IFNLR1: variants seen among roughly 807,000 people sequenced by gnomAD.
IFNLR1 encodes the protein interferon lambda receptor 1.
A neutral mutation model predicts 52.5 loss-of-function variants in IFNLR1; 28 were observed. The ratio of observed to expected loss-of-function variants is 0.53; its 90% CI spans 0.40 to 0.73. The LOEUF (loss-of-function observed/expected upper bound fraction) is 0.73, where lower values mean the gene tolerates loss of function less well. Ranked by LOEUF, IFNLR1 falls within the 30% of genes least tolerant of loss-of-function variation. The pLI, the probability that IFNLR1 is intolerant of heterozygous loss-of-function variation, is 0.00. For synonymous variants in IFNLR1, 276 were observed against 274.9 expected (o/e 1.00, Z -0.04); for missense variants, 623 against 659.1 (o/e 0.95, Z 0.60).
chr1:24,183,160 C>G (rs1644708312), intron 1 of IFNLR1, among the ~76,000 whole-genome samples: 1 of 152,006 alleles, frequency 6.6e-6, no homozygotes, highest in Non-Finnish European at 1.5e-5. Flanking sequence ...TTCATGAGCC[C>G]AAATGTAAGA....
chr1:24,157,331 T>C lies in IFNLR1; in HGVS notation c.1362A>G (p.Leu454=). Residue 454 remains leucine, a synonymous_variant, in exon 7 of 7, where the codon TTA becomes TTG. Transcript: ENST00000327535. The surrounding 1 kb of genome is among the most constrained non-coding windows in gnomAD (Gnocchi z 5.1). ...NLSSWATWGT[L]PPEPNLVPGG... ...CAGGGACCAGATTCGGCTCCGGTGG[T>C]AAGGTGCCCCAGGTGGCCCAGGAGG... The C allele has an allele frequency of 1.2e-6, 2 of 1,614,076 alleles. No individual in the cohort carries two copies. Among genetic ancestry groups the C allele is most frequent in the Non-Finnish European group, 1.7e-6 (2 of 1,179,984 alleles).
rs1644479177 is a variant in IFNLR1 at position 24,162,951 on chromosome 1, C to CTTT, written c.368-1270_368-1268dup. ...TTTTCTTTCTTTCTCTTTCTTTCTT[C>CTTT]TTTCTTTCCTCTTTTTTTTTTTTTT... On this transcript the variant is annotated intron_variant, in intron 3 of 6. Coordinates refer to ENST00000327535, the MANE Select transcript of IFNLR1 (RefSeq NM_170743.4). Among the ~76,000 whole-genome samples, 3 of 93,228 alleles carry CTTT rather than the reference C, an allele frequency of 3.2e-5. 1 individual carries two copies. Among genetic ancestry groups the CTTT allele is most frequent in the African/African-American group, 1.3e-4 (3 of 23,616 alleles). 61.2% of individuals were successfully genotyped at this position (93,228 alleles called of 152,430 possible).
Position 24,157,300 on chromosome 1 carries a change from G to T in IFNLR1, c.1393C>A (p.Pro465Thr). The T allele has an allele frequency of 1.9e-6, 3 of 1,614,190 alleles. No individual in the cohort carries two copies. Among genetic ancestry groups the T allele is most frequent in the Non-Finnish European group, 8.5e-7 (1 of 1,180,038 alleles). ...GTCAGTGTCTGAAGAGAAACTGGGG[G>T]TCCCCCAGGGACCAGATTCGGCTCC... ...PPEPNLVPGG[P>T]PVSLQTLTFC... Residue 465 changes from proline (P) to threonine (T), a missense_variant, in exon 7 of 7, where the codon CCC becomes ACC. Transcript: ENST00000327535. This position sits in a 1 kb window ranked among gnomAD's most constrained non-coding sequence, Gnocchi z 5.1.
intron 3 of IFNLR1, among the ~76,000 whole-genome samples, chr1:24,166,871 C>T (rs1186276779): frequency 6.6e-6 from 1 of 152,162 alleles, no homozygotes; most frequent in Non-Finnish European, 1.5e-5. Flanking sequence ...GCCACAGTGC[C>T]TGGCCTGTGA....
intron 2 of IFNLR1, among the ~76,000 whole-genome samples, chr1:24,171,338 A>G (rs1644577394): frequency 6.6e-6 from 1 of 152,240 alleles, no homozygotes; most frequent in South Asian, 2.1e-4. Flanking sequence ...AATTGGTTGA[A>G]CCACATGTGA....
intron 1 of IFNLR1, among the ~76,000 whole-genome samples, chr1:24,186,310 T>C (rs1644737841): frequency 6.6e-6 from 1 of 152,180 alleles, no homozygotes; most frequent in Admixed American, 6.5e-5. Flanking sequence ...GCCTCACCTC[T>C]GCCATCCTTC....
rs777520271 is a variant in IFNLR1, at chr1:24,157,942, A to C, written c.802-51T>G. The C allele has an allele frequency of 6.8e-7, 1 of 1,478,018 alleles. No homozygotes were observed. Among genetic ancestry groups the C allele is most frequent in the East Asian group, 2.3e-5 (1 of 43,866 alleles). The allele number at this position is 1,478,018 out of a possible 1,614,324, so 91.6% of individuals were successfully genotyped here. A position where few individuals can be genotyped will look rare whatever the true frequency, so the allele number is the denominator to read the frequency against. On this transcript the variant is annotated intron_variant, in intron 6 of 6. Transcript: ENST00000327535. The surrounding 1 kb of genome is among the most constrained non-coding windows in gnomAD (Gnocchi z 5.1). ...CAGAAAATTTAGGCTTTCCTGAAGC[A>C]TAATTATCATCATCTGAATTCCCCT... is the stretch of plus-strand genomic sequence containing the variant.
At chr1:24,167,124 C>A (rs953433321) in intron 3 of IFNLR1, among the ~76,000 whole-genome samples, 5 of 152,230 alleles carry the variant, frequency 3.3e-5, no homozygotes, top group African/African-American at 1.2e-4. Flanking sequence ...GCTGGCACAT[C>A]AACTTCTCCT....
intron 3 of IFNLR1, among the ~76,000 whole-genome samples, chr1:24,162,768 CTTTCTTTCTTTTTCTTTCTTTT>C (rs1557643869): frequency 6.4e-5 from 3 of 46,640 alleles, no homozygotes; most frequent in African/African-American, 1.9e-4. Context: ...TTCTTTCTTT[CTTTCTTTCTTTTTCTTTCTTTT>C]TCTTTCTTTC....
intron 1 of IFNLR1, among the ~76,000 whole-genome samples, chr1:24,186,685 CAACAA>C (rs1467186600): frequency 2.1e-4 from 32 of 151,426 alleles, no homozygotes; most frequent in African/African-American, 7.8e-4. Context: ...ACAACAACAA[CAACAA>C]AACAACAACA....
chr1:24,163,105 C>T (rs972668584), intron 3 of IFNLR1, among the ~76,000 whole-genome samples: 6 of 150,944 alleles, frequency 4.0e-5, no homozygotes, highest in Admixed American at 1.3e-4. Context: ...GGATTACAGG[C>T]GCCCGCCACC....
intron 2 of IFNLR1, among the ~76,000 whole-genome samples, chr1:24,180,499 C>T (rs1377778391): frequency 5.3e-5 from 8 of 152,046 alleles, no homozygotes; most frequent in Non-Finnish European, 1.0e-4. Flanking sequence ...AAAGACTTAC[C>T]CCCGCCCCGG....
chr1:24,175,901 T>C (rs1231724534), intron 2 of IFNLR1, among the ~76,000 whole-genome samples: 3 of 147,694 alleles, frequency 2.0e-5, no homozygotes, highest in Non-Finnish European at 4.5e-5. Context: ...ACCATTGCAC[T>C]CCAGCTTGGG....
chr1:24,167,380 CTTA>C (rs1644530603), intron 3 of IFNLR1, among the ~76,000 whole-genome samples: 1 of 151,294 alleles, frequency 6.6e-6, no homozygotes, highest in East Asian at 1.9e-4. Context: ...TAAATCTCCT[CTTA>C]TTATAAATTT....
chr1:24,163,441 A>G (rs924583934), intron 3 of IFNLR1, among the ~76,000 whole-genome samples: 1 of 152,194 alleles, frequency 6.6e-6, no homozygotes. Context: ...TATAACGTTA[A>G]TTAAGATTCC....
chr1:24,158,563 C>T (rs951337695), intron 6 of IFNLR1, among the ~76,000 whole-genome samples: 1 of 152,186 alleles, frequency 6.6e-6, no homozygotes, highest in Non-Finnish European at 1.5e-5. Flanking sequence ...TGAACAGGGC[C>T]GACCTATATC....
intron 3 of IFNLR1, among the ~76,000 whole-genome samples, chr1:24,162,900 C>T (rs1453271874): frequency 1.1e-4 from 9 of 78,300 alleles, no homozygotes; most frequent in Non-Finnish European, 1.7e-4. Context: ...TCCTTCCTTC[C>T]TTCCTTCCTT....
chr1:24,169,966 G>A (rs1644562510), intron 2 of IFNLR1, among the ~76,000 whole-genome samples: 2 of 152,200 alleles, frequency 1.3e-5, no homozygotes, highest in Admixed American at 1.3e-4. Flanking sequence ...AGGCGTTTAT[G>A]GGCCACCTGC....
chr1:24,174,044 G>C (rs189579727), intron 2 of IFNLR1, among the ~76,000 whole-genome samples: 1 of 152,288 alleles, frequency 6.6e-6, no homozygotes, highest in Admixed American at 6.5e-5. Context: ...GAGCTTTAAA[G>C]AGGTAATTAT....
Sources: allele counts gnomAD v4.1 joint callset (sites outside exome capture counted in the v4.1 genomes callset), GRCh38; gene constraint gnomAD v4.1.1; non-coding constraint Gnocchi (gnomAD v3.1); transcripts MANE v1.5; gene names NCBI Gene and HGNC (gene_info 2026-07-23, HGNC 2026-07-21).